LRP1B: variants seen among roughly 807,000 people sequenced by gnomAD.
LRP1B encodes LDL receptor related protein 1B.
In LRP1B, 217 loss-of-function variants were observed where a neutral mutation model predicts 556.6. The ratio of observed to expected loss-of-function variants is 0.39; its 90% confidence interval spans 0.35 to 0.44. The LOEUF is 0.44. Among genes scored for constraint, LRP1B ranks in the 20% least tolerant of loss-of-function variants. The pLI, the probability that LRP1B is intolerant of heterozygous loss-of-function variation, is 1.00. For missense variants in LRP1B, 5,053 were observed against 5,620.8 expected, an observed-to-expected ratio of 0.90 and a Z score of 3.23; for synonymous variants, 2,047 against 1,865.8, an observed-to-expected ratio of 1.10 and a Z score of -2.50.
rs182973174 is a variant in LRP1B, at chr2:140,432,856, T to C, written c.10414+9648A>G. On this transcript the variant is annotated intron_variant, in intron 66 of 90. Transcript: ENST00000389484. ...TGTGATTAATTGAAATTAGGTAATA[T>C]ATTGGATTTCCTGACTCTTTTTTGT... Among the ~76,000 whole-genome samples the C allele has an allele frequency of 2.2e-3, 340 of 152,330 alleles. 1 individual carries two copies. The highest frequency in any genetic ancestry group is 7.6e-3 in the African/African-American group (316 of 41,556).
At chr2:141,004,806 A>C (rs576941143) in intron 15 of LRP1B, among the ~76,000 whole-genome samples, 1 of 152,220 alleles carries the variant, frequency 6.6e-6, no homozygotes, top group African/African-American at 2.4e-5. Context: ...ACAGAATAAT[A>C]AGATGCAGTA....
intron 3 of LRP1B, among the ~76,000 whole-genome samples, chr2:141,358,614 A>C (rs1307168113): frequency 6.6e-6 from 1 of 152,144 alleles, no homozygotes; most frequent in African/African-American, 2.4e-5. Flanking sequence ...TGCCAAGTTA[A>C]TTTCTATGTT....
At chr2:140,378,128 C>T (rs978184352) in intron 68 of LRP1B, 52 bp downstream of exon 68, 7 of 1,203,582 alleles carry the variant, frequency 5.8e-6, no homozygotes, top group Admixed American at 5.6e-5. Flanking sequence ...ATAATAATTA[C>T]AAATGTGGTT....
chr2:141,887,795 T>G (rs1481952780), intron 1 of LRP1B, among the ~76,000 whole-genome samples: 1 of 152,238 alleles, frequency 6.6e-6, no homozygotes, highest in Non-Finnish European at 1.5e-5. Flanking sequence ...TTAGTTATAC[T>G]TGCCATGGGA....
intron 16 of LRP1B, chr2:140,992,548 G>A (rs1351995301): frequency 6.6e-6 from 1 of 152,060 alleles, no homozygotes; most frequent in Non-Finnish European, 1.5e-5. Context: ...AAATAGGCTG[G>A]CCCAAAGGTA....
At chr2:141,309,138 T>G (rs1686715192) in intron 3 of LRP1B, among the ~76,000 whole-genome samples, 1 of 152,256 alleles carries the variant, frequency 6.6e-6, no homozygotes, top group Admixed American at 6.5e-5. Flanking sequence ...ATTCTCTGTT[T>G]ATTTTCATTG....
intron 1 of LRP1B, among the ~76,000 whole-genome samples, chr2:141,973,847 T>C (rs116617729): frequency 2.0e-5 from 3 of 151,960 alleles, no homozygotes; most frequent in Non-Finnish European, 2.9e-5. Flanking sequence ...ACCTAAATCT[T>C]ACCAATATTT....
chr2:141,489,112 C>CTTTT (rs70994433), intron 2 of LRP1B, among the ~76,000 whole-genome samples: 1 of 76,080 alleles, frequency 1.3e-5, no homozygotes, highest in African/African-American at 5.8e-5. Flanking sequence ...TGATGCTTGG[C>CTTTT]TTTTTTTTTT....
intron 32 of LRP1B, among the ~76,000 whole-genome samples, chr2:140,802,059 T>C (rs1039845317): frequency 1.3e-5 from 2 of 152,216 alleles, no homozygotes; most frequent in African/African-American, 4.8e-5. Context: ...GGCAAACACT[T>C]GGGAGAAACT....
At chr2:140,631,708 AGAAG>A (rs1394525747) in intron 41 of LRP1B, among the ~76,000 whole-genome samples, 1 of 152,090 alleles carries the variant, frequency 6.6e-6, no homozygotes, top group Non-Finnish European at 1.5e-5. Context: ...AAAAGAAATG[AGAAG>A]GAAGAGACAG....
chr2:140,939,702 A>G (rs1695338037), intron 20 of LRP1B, among the ~76,000 whole-genome samples: 1 of 151,322 alleles, frequency 6.6e-6, no homozygotes, highest in African/African-American at 2.4e-5. Context: ...GTATTAAAGA[A>G]CAATGACAAT....
chr2:140,802,993 C>T (rs928338869), intron 32 of LRP1B, among the ~76,000 whole-genome samples: 7 of 152,138 alleles, frequency 4.6e-5, no homozygotes, highest in Non-Finnish European at 1.0e-4. Context: ...GCTGTCTCTC[C>T]TCTAGGTCTC....
intron 66 of LRP1B, among the ~76,000 whole-genome samples, chr2:140,428,460 C>T (rs963807633): frequency 7.2e-5 from 11 of 152,282 alleles, no homozygotes; most frequent in South Asian, 4.1e-4. Flanking sequence ...GCCCACAGCC[C>T]GGGATTCCTC....
At chr2:141,096,445 C>G (rs1181568463) in intron 7 of LRP1B, among the ~76,000 whole-genome samples, 1 of 151,780 alleles carries the variant, frequency 6.6e-6, no homozygotes, top group African/African-American at 2.4e-5. Flanking sequence ...AAAATTATCC[C>G]GGGATGATGA....
intron 66 of LRP1B, among the ~76,000 whole-genome samples, chr2:140,395,390 G>A (rs1231214059): frequency 6.6e-6 from 1 of 152,170 alleles, no homozygotes; most frequent in Non-Finnish European, 1.5e-5. Flanking sequence ...CTGGAAAGCT[G>A]CAGGTTAACC....
At chr2:140,816,304 G>A (rs983074971) in intron 31 of LRP1B, among the ~76,000 whole-genome samples, 1 of 151,944 alleles carries the variant, frequency 6.6e-6, no homozygotes, top group Non-Finnish European at 1.5e-5. Flanking sequence ...TTTTAGTAGA[G>A]ATGGGGTTTC....
At chr2:141,086,789 C>T (rs1377271006) in intron 7 of LRP1B, among the ~76,000 whole-genome samples, 3 of 152,120 alleles carry the variant, frequency 2.0e-5, no homozygotes, top group African/African-American at 7.2e-5. Context: ...TTCAATCCAT[C>T]TCTTCATGCA....
chr2:140,404,031 T>C (rs2105233690), intron 66 of LRP1B, among the ~76,000 whole-genome samples: 1 of 152,146 alleles, frequency 6.6e-6, no homozygotes, highest in South Asian at 2.1e-4. Flanking sequence ...AAGTTTCATA[T>C]AGAAAGGAAA....
intron 1 of LRP1B, among the ~76,000 whole-genome samples, chr2:141,993,443 C>T (rs1559009051): frequency 6.7e-6 from 1 of 149,982 alleles, no homozygotes; most frequent in African/African-American, 2.5e-5. Flanking sequence ...TTCCCCTCCA[C>T]CTTCCAATCT....
Sources: gnomAD v4.1 joint callset for allele counts (sites outside exome capture counted in the v4.1 genomes callset) on GRCh38, gnomAD v4.1.1 for gene constraint, MANE v1.5 for transcripts, NCBI Gene and HGNC (gene_info 2026-07-23, HGNC 2026-07-21) for gene names.